The following MAPK9 variants were observed in gnomAD, a reference collection of about 807,000 sequenced individuals.
The protein encoded by MAPK9 is mitogen-activated protein kinase 9.
A neutral mutation model predicts 57.1 loss-of-function variants in MAPK9; 30 were observed. That is an observed-to-expected ratio of 0.53 (90% CI 0.39 to 0.71). The LOEUF is 0.71. Among genes scored for constraint, MAPK9 ranks in the 30% least tolerant of loss-of-function variants. The probability of loss-of-function intolerance (pLI) is 0.00; values close to 1 mark genes in which losing one functional copy is unlikely to be tolerated. For missense variants in MAPK9, 362 were observed against 521.0 expected (o/e 0.69, Z 2.97); for synonymous variants, 155 against 177.0 (o/e 0.88, Z 0.99).
chr5:180,263,957 G>A (rs573633347), intron 4 of MAPK9, among the ~76,000 whole-genome samples: 74 of 152,144 alleles, frequency 4.9e-4, no homozygotes, highest in African/African-American at 1.7e-3. Flanking sequence ...CGCCCGCCTC[G>A]GCCTCCCAAA....
rs897195988 is a variant in MAPK9, at chr5:180,234,546, C to T, written c.*1838G>A. 1 of 152,246 alleles carries T rather than the reference C, an allele frequency of 6.6e-6. No homozygotes were observed. The highest frequency in any genetic ancestry group is 2.4e-5 in the African/African-American group (1 of 41,466). 9.4% of individuals were successfully genotyped at this position (152,246 alleles called of 1,614,324 possible). Reference sequence around the variant, plus strand: ...CGTCTCCCGGGGAGGGAGCATCACACAGTGCAGGGCAGCTCGCGCATTTTC... The same window carrying T: ...CGTCTCCCGGGGAGGGAGCATCACATAGTGCAGGGCAGCTCGCGCATTTTC... On this transcript the variant is annotated 3_prime_UTR_variant, in exon 12 of 12. Transcript: ENST00000452135.
chr5:180,288,803 A>G (rs745749), intron 1 of MAPK9, among the ~76,000 whole-genome samples: 47,648 of 152,186 alleles, frequency 0.31, 7,590 homozygotes, highest in South Asian at 0.41. Flanking sequence ...TTTGCTTGAA[A>G]ATAATTATGG....
chr5:180,234,561 C>T lies in MAPK9; in HGVS notation c.*1823G>A, dbSNP rs1175808643. ...GAGCATCACACAGTGCAGGGCAGCTCGCGCATTTTCAACCTCTCCCTTTTG... is the reference window on the plus strand; with the variant it reads ...GAGCATCACACAGTGCAGGGCAGCTTGCGCATTTTCAACCTCTCCCTTTTG... On this transcript the variant is annotated 3_prime_UTR_variant, in exon 12 of 12. Transcript: ENST00000452135. 2.0e-5 allele frequency: 3 copies of T among 152,208 alleles called. No homozygotes were observed. Among genetic ancestry groups the T allele is most frequent in the Non-Finnish European group, 2.9e-5 (2 of 68,038 alleles). The allele number at this position is 152,208 out of a possible 1,614,324, so 9.4% of individuals were successfully genotyped here.
At chr5:180,280,187 AT>A (rs1486166219) in intron 2 of MAPK9, among the ~76,000 whole-genome samples, 3 of 152,098 alleles carry the variant, frequency 2.0e-5, no homozygotes, top group East Asian at 1.9e-4. Flanking sequence ...GAAAAAAAAA[AT>A]GAAAGGAAAA....
chr5:180,255,730 G>C (rs1037826556), intron 5 of MAPK9, among the ~76,000 whole-genome samples: 2 of 152,182 alleles, frequency 1.3e-5, no homozygotes, highest in African/African-American at 2.4e-5. Context: ...GGAAGGCCGA[G>C]GGTGAGGGCT....
At position 180,292,075 on chromosome 5, in the gene MAPK9, G is replaced by T. The variant is rs1260225875; in HGVS notation, c.-275C>A. ...TCTCCGCCGCTGCCGCCGCCGCGGC[G>T]CCCGGTCTGACAGACCCTCGCGCCG... is the stretch of plus-strand genomic sequence containing the variant. On this transcript the variant is annotated 5_prime_UTR_variant, in exon 1 of 12. Coordinates refer to ENST00000452135, the MANE Select transcript of MAPK9 (RefSeq NM_002752.5). 1 of 152,530 alleles carries T rather than the reference G, an allele frequency of 6.6e-6. No homozygotes were observed. Among genetic ancestry groups the T allele is most frequent in the Non-Finnish European group, 1.5e-5 (1 of 68,230 alleles). 9.4% of individuals were successfully genotyped at this position (152,530 alleles called of 1,614,324 possible).
intron 4 of MAPK9, among the ~76,000 whole-genome samples, chr5:180,263,895 C>T (rs1009070068): frequency 1.3e-5 from 2 of 152,016 alleles, no homozygotes; most frequent in Non-Finnish European, 2.9e-5. Flanking sequence ...TTAGTAGAGA[C>T]GGGGTTTCAC....
intron 3 of MAPK9, among the ~76,000 whole-genome samples, chr5:180,267,144 C>T (rs1165679691): frequency 6.6e-6 from 1 of 152,174 alleles, no homozygotes; most frequent in East Asian, 1.9e-4. Context: ...TAAGAATGCT[C>T]ACCAAACTGT....
At chr5:180,291,721 CGGCTGCCAGGG>C (rs1230396299) in intron 1 of MAPK9, 116 bp downstream of exon 1, 4 of 150,460 alleles carry the variant, frequency 2.7e-5, no homozygotes, top group Non-Finnish European at 5.9e-5. Flanking sequence ...GCGACGGCTG[CGGCTGCCAGGG>C]CCCCGCAGCC....
At chr5:180,288,061 C>T (rs181796257) in intron 1 of MAPK9, among the ~76,000 whole-genome samples, 130 of 152,268 alleles carry the variant, frequency 8.5e-4, no homozygotes, top group Non-Finnish European at 1.4e-3. Flanking sequence ...ATCTGCAACA[C>T]GGACGAGCAG....
At chr5:180,279,819 G>A (rs1239661298) in intron 2 of MAPK9, 7 of 456,326 alleles carry the variant, frequency 1.5e-5, no homozygotes, top group Middle Eastern at 6.5e-4. Context: ...GTGATGCTGC[G>A]GCGGCTGACC....
chr5:180,251,310 C>T (rs10067564), intron 5 of MAPK9, among the ~76,000 whole-genome samples: 1,958 of 152,286 alleles, frequency 0.013, 52 homozygotes, highest in African/African-American at 0.045. Flanking sequence ...GCAAGGAAGA[C>T]AAGGACAGCC....
rs749913802 is a variant in MAPK9 at position 180,247,679 on chromosome 5, G to A, written c.617-169C>T. 2.4e-5 allele frequency: 22 copies of A among 932,732 alleles called. No homozygotes were observed. The highest frequency in any genetic ancestry group is 2.1e-4 in the Middle Eastern group (1 of 4,784). The allele number at this position is 932,732 out of a possible 1,614,324, so 57.8% of individuals were successfully genotyped here. A position where few individuals can be genotyped will look rare whatever the true frequency, so the allele number is the denominator to read the frequency against. ...ATTGCTGACCTCTATTTTAGCCTTC[G>A]GTTTGTAGCAATCTGGGGTTTTAGT... On this transcript the variant is annotated intron_variant, in intron 6 of 11. Coordinates refer to ENST00000452135, the MANE Select transcript of MAPK9 (RefSeq NM_002752.5). This position sits in a 1 kb window ranked among gnomAD's most constrained non-coding sequence, Gnocchi z 4.5.
Position 180,241,040 on chromosome 5 carries a change from T to C in MAPK9, c.987A>G (p.Glu329=). The C allele has an allele frequency of 1.2e-6, 2 of 1,612,048 alleles. No homozygotes were observed. Among genetic ancestry groups the C allele is most frequent in the Non-Finnish European group, 1.7e-6 (2 of 1,179,270 alleles). ...PYITVWYDPA[E]AEAPPPQIYD... ...CAAAACAGATACTCACGGCTTCTGC[T>C]TCGGCGGGGTCATACCAAACAGTGA... The change falls in exon 9 of 12, where the codon GAA becomes GAG. Residue 329 remains glutamate, a synonymous_variant. Coordinates refer to ENST00000452135, the MANE Select transcript of MAPK9 (RefSeq NM_002752.5).
chr5:180,238,608 C>CT (rs746336177), intron 10 of MAPK9, among the ~76,000 whole-genome samples: 18,619 of 85,224 alleles, frequency 0.22, 1,956 homozygotes, highest in Non-Finnish European at 0.28. Flanking sequence ...TCTTCTTCTT[C>CT]TTTTTTTTTT....
rs1325076244 is a variant in MAPK9, at chr5:180,263,650, G to C, written c.311+1131C>G. Among the ~76,000 whole-genome samples, 3 of 151,224 alleles carry C rather than the reference G, an allele frequency of 2.0e-5. No homozygotes were observed. The South Asian group carries it at 6.3e-4, about 32-fold the overall frequency. ...GGCATCCACTGCTGTCCTGAGCGCT[G>C]TCTGTTCCTTCTATCTCCATTCTAC... On this transcript the variant is annotated intron_variant, in intron 4 of 11. Coordinates refer to ENST00000452135, the MANE Select transcript of MAPK9 (RefSeq NM_002752.5).
At chr5:180,284,362 C>T (rs539999790) in intron 1 of MAPK9, among the ~76,000 whole-genome samples, 29 of 152,324 alleles carry the variant, frequency 1.9e-4, no homozygotes, top group African/African-American at 5.5e-4. Flanking sequence ...CACTCAGCAG[C>T]GCCCGCCAGG....
At chr5:180,251,160 C>T (rs150663171) in intron 5 of MAPK9, among the ~76,000 whole-genome samples, 59 of 152,266 alleles carry the variant, frequency 3.9e-4, no homozygotes, top group Admixed American at 9.8e-4. Flanking sequence ...CAGAAACAGG[C>T]GCTTCCTCAG....
At chr5:180,287,346 G>C (rs1264189006) in intron 1 of MAPK9, among the ~76,000 whole-genome samples, 2 of 152,220 alleles carry the variant, frequency 1.3e-5, no homozygotes, top group Non-Finnish European at 2.9e-5. Context: ...AAAGCTGGGG[G>C]AAGGGTACTG....
Sources: gnomAD v4.1 joint callset for allele counts (sites outside exome capture counted in the v4.1 genomes callset) on GRCh38, gnomAD v4.1.1 for gene constraint, Gnocchi (gnomAD v3.1) non-coding constraint, MANE v1.5 for transcripts, NCBI Gene and HGNC (gene_info 2026-07-23, HGNC 2026-07-21) for gene names.